PCDHGA9: variants seen among roughly 807,000 people sequenced by gnomAD.
PCDHGA9 encodes protocadherin gamma-A9.
In PCDHGA9, 37 loss-of-function variants were observed where a neutral mutation model predicts 62.5. That is an observed-to-expected ratio of 0.59 (90% CI 0.46 to 0.78). The LOEUF (loss-of-function observed/expected upper bound fraction) is 0.78. Among genes scored for constraint, PCDHGA9 ranks in the 30% least tolerant of loss-of-function variants. The pLI, the probability that PCDHGA9 is intolerant of heterozygous loss-of-function variation, is 0.00. For synonymous variants in PCDHGA9, 459 were observed against 484.6 expected (o/e 0.95, Z 0.69); for missense variants, 1,138 against 1,166.2 (o/e 0.98, Z 0.35).
In PCDHGA9 at chr5:141,415,292, G is replaced by T. The variant is rs778092218; in HGVS notation, c.2424+9916G>T. The T allele has an allele frequency of 1.7e-5, 28 of 1,614,082 alleles. No individual in the cohort carries two copies. Among genetic ancestry groups the T allele is most frequent in the Non-Finnish European group, 2.3e-5 (27 of 1,180,046 alleles). Reference sequence around the variant, plus strand: ...GTGGTAGCGGTGGCCGCGGTCTCCTGCGTCTTCCTGGCCTTCGTCATCGTG... The same window carrying T: ...GTGGTAGCGGTGGCCGCGGTCTCCTTCGTCTTCCTGGCCTTCGTCATCGTG... On this transcript the variant is annotated intron_variant, in intron 1 of 3. Coordinates refer to ENST00000573521, the MANE Select transcript of PCDHGA9 (RefSeq NM_018921.3).
At chr5:141,425,209 A>G (rs2096861765) in intron 1 of PCDHGA9, among the ~76,000 whole-genome samples, 1 of 152,180 alleles carries the variant, frequency 6.6e-6, no homozygotes, top group African/African-American at 2.4e-5. Context: ...GATGTAAGGC[A>G]TTGTACTTTG....
At chr5:141,415,257 T>G in intron 1 of PCDHGA9, 1 of 1,614,170 alleles carries the variant, frequency 6.2e-7, no homozygotes, top group Non-Finnish European at 8.5e-7. Flanking sequence ...CAGACCTCAC[T>G]CTGTACCTGG....
At chr5:141,430,991 A>T (rs2097333608) in intron 1 of PCDHGA9, 1 of 1,613,980 alleles carries the variant, frequency 6.2e-7, no homozygotes, top group African/African-American at 1.3e-5. Context: ...TTTCGCCCTG[A>T]ATCCGCGCAG....
chr5:141,416,101 C>CT (rs34144584), intron 1 of PCDHGA9: 1 of 158,972 alleles, frequency 6.3e-6, no homozygotes, highest in Non-Finnish European at 1.4e-5. Context: ...GGCAATAGGC[C>CT]TTTTTCAAAC....
intron 1 of PCDHGA9, chr5:141,409,571 TA>T: frequency 6.2e-7 from 1 of 1,613,932 alleles, no homozygotes; most frequent in Non-Finnish European, 8.5e-7. Flanking sequence ...CCAGACGTCC[TA>T]CGTGGTCCAC....
At chr5:141,498,222 T>A (rs1258826914) in intron 2 of PCDHGA9, among the ~76,000 whole-genome samples, 1 of 152,218 alleles carries the variant, frequency 6.6e-6, no homozygotes, top group East Asian at 1.9e-4. Flanking sequence ...GCATTCCAGA[T>A]GGTCAGGCAT....
At chr5:141,499,272 GT>G (rs772636179) in intron 2 of PCDHGA9, among the ~76,000 whole-genome samples, 3 of 152,122 alleles carry the variant, frequency 2.0e-5, no homozygotes, top group Non-Finnish European at 4.4e-5. Flanking sequence ...TCCCTAGACT[GT>G]TCTCTGATGG....
intron 1 of PCDHGA9, among the ~76,000 whole-genome samples, chr5:141,429,781 A>G (rs2097245343): frequency 1.3e-5 from 2 of 152,186 alleles, no homozygotes; most frequent in Non-Finnish European, 2.9e-5. Context: ...TGGGCTTCCA[A>G]AAGTATTACC....
rs772487189 is a variant in PCDHGA9 at position 141,415,555 on chromosome 5, C to G, written c.2424+10179C>G. 5 of 1,613,954 alleles carry G rather than the reference C, an allele frequency of 3.1e-6. No homozygotes were observed. In the African/African-American group the frequency reaches 6.7e-5, roughly 22 times the overall value. On this transcript the variant is annotated intron_variant, in intron 1 of 3. Transcript: ENST00000573521. ...CCAGGAGAGCTGTGAGAAAAACGAT[C>G]CTTTGTCTTTGTTAGATGATTCGAA...
rs1223431294 is a variant in PCDHGA9, at chr5:141,490,280, C to T, written c.2425-4527C>T. ...GATGTGGGGGATGTCAATGACAATG[C>T]CCCAGAGGTGCTATTGGCCTCTTTG... On this transcript the variant is annotated intron_variant, in intron 1 of 3. Transcript: ENST00000573521. The surrounding 1 kb of genome is among the most constrained non-coding windows in gnomAD (Gnocchi z 5.4). The T allele has an allele frequency of 5.6e-6, 9 of 1,614,216 alleles. No individual in the cohort carries two copies. In the East Asian group the frequency reaches 1.8e-4, roughly 32 times the overall value.
chr5:141,423,437 C>CACGT (rs766166209), intron 1 of PCDHGA9: 1 of 1,613,952 alleles, frequency 6.2e-7, no homozygotes, highest in Non-Finnish European at 8.5e-7. Context: ...GCAGGTATGC[C>CACGT]CACGTCACAT....
intron 2 of PCDHGA9, among the ~76,000 whole-genome samples, chr5:141,503,950 C>T (rs1216385793): frequency 3.3e-5 from 5 of 152,180 alleles, no homozygotes; most frequent in Non-Finnish European, 7.3e-5. Flanking sequence ...CAAGGCCTAC[C>T]CTACAGCCTT....
chr5:141,481,167 A>C (rs77180710), intron 1 of PCDHGA9, among the ~76,000 whole-genome samples: 2,577 of 152,328 alleles, frequency 0.017, 78 homozygotes, highest in African/African-American at 0.059. Flanking sequence ...GCAGAACCAG[A>C]ATCCAGCTTT....
chr5:141,402,998 C>G lies in PCDHGA9; in HGVS notation c.46C>G (p.Leu16Val). 6.2e-7 allele frequency: 1 copy of G among 1,613,908 alleles called. No individual in the cohort carries two copies. The highest frequency in any genetic ancestry group is 8.5e-7 in the Non-Finnish European group (1 of 1,179,832). Reference sequence around the variant, plus strand: ...CCAGCTCCGCGGAAGATTAGTCCTGCTATGCTCGCTCCTGGGGATGCTATG... The same window carrying G: ...CCAGCTCCGCGGAAGATTAGTCCTGGTATGCTCGCTCCTGGGGATGCTATG... ...KCQLRGRLVL[L>V]CSLLGMLWEA... Residue 16 changes from leucine (L) to valine (V), a missense_variant, in exon 1 of 4, where the codon CTA (leucine) becomes GTA (valine). Coordinates refer to ENST00000573521, the MANE Select transcript of PCDHGA9 (RefSeq NM_018921.3).
intron 1 of PCDHGA9, among the ~76,000 whole-genome samples, chr5:141,470,877 T>C (rs1438812002): frequency 1.3e-5 from 2 of 151,808 alleles, no homozygotes; most frequent in Non-Finnish European, 2.9e-5. Context: ...TTTGTTTTTT[T>C]GTTTTTGTTT....
rs745612756 is a variant in PCDHGA9 at position 141,487,150 on chromosome 5, T to C, written c.2425-7657T>C. The C allele has an allele frequency of 1.1e-5, 17 of 1,613,960 alleles. No individual in the cohort carries two copies. In the South Asian group the frequency reaches 1.6e-4, roughly 16 times the overall value. On this transcript the variant is annotated intron_variant, in intron 1 of 3. Transcript: ENST00000573521. This position sits in a 1 kb window ranked among gnomAD's most constrained non-coding sequence, Gnocchi z 5.0. The stretch of plus-strand genomic sequence containing the variant: ...GTAGTCCACCACTCTCTACCTCTGT[T>C]ACTCTCTTAGTGTCCTTAGAGGAAG...
chr5:141,413,418 G>C (rs748857146), intron 1 of PCDHGA9: 1 of 1,614,084 alleles, frequency 6.2e-7, no homozygotes, highest in Admixed American at 1.7e-5. Context: ...TTTTCTCTCT[G>C]AACCCGCGCA....
rs1266310917 is a variant in PCDHGA9 at position 141,486,868 on chromosome 5, G to A, written c.2425-7939G>A. 2 of 1,614,104 alleles carry A rather than the reference G, an allele frequency of 1.2e-6. No homozygotes were observed. Among genetic ancestry groups the A allele is most frequent in the Non-Finnish European group, 1.7e-6 (2 of 1,180,056 alleles). ...ACCTCAATGACAATGCTCCAGCTGT[G>A]CTCCGTCCTCGGGCCCGGCCTGGTT... On this transcript the variant is annotated intron_variant, in intron 1 of 3. Transcript: ENST00000573521. The surrounding 1 kb of genome is among the most constrained non-coding windows in gnomAD (Gnocchi z 5.0).
intron 1 of PCDHGA9, among the ~76,000 whole-genome samples, chr5:141,448,700 G>A (rs2098601460): frequency 6.6e-6 from 1 of 152,106 alleles, no homozygotes; most frequent in African/African-American, 2.4e-5. Context: ...CAGCACTTTG[G>A]GAGGCCGAGG....
Sources: gnomAD v4.1 joint callset for allele counts (sites outside exome capture counted in the v4.1 genomes callset) on GRCh38, gnomAD v4.1.1 for gene constraint, Gnocchi (gnomAD v3.1) non-coding constraint, MANE v1.5 for transcripts, NCBI Gene and HGNC (gene_info 2026-07-23, HGNC 2026-07-21) for gene names.